DCN: variants seen among roughly 807,000 people sequenced by gnomAD.
DCN encodes decorin.
Under a neutral mutation model 36.5 loss-of-function variants are expected in DCN, and 17 were observed. That is an observed-to-expected ratio of 0.47 (90% CI 0.32 to 0.70). The LOEUF is 0.70. Ranked by LOEUF, DCN falls within the 30% of genes least tolerant of loss-of-function variation. The probability of loss-of-function intolerance (pLI) is 0.04; values close to 1 mark genes in which losing one functional copy is unlikely to be tolerated. For synonymous variants in DCN, 163 were observed against 161.4 expected (o/e 1.01, Z -0.07); for missense variants, 389 against 430.1 (o/e 0.90, Z 0.84).
chr12:91,180,617 T>A (rs1158351592), intron 1 of DCN: 3 of 152,274 alleles, frequency 2.0e-5, no homozygotes, highest in East Asian at 3.9e-4. Flanking sequence ...ATCATAAAGA[T>A]TATTATTCAC....
intron 2 of DCN, chr12:91,172,704 G>C: frequency 1.5e-6 from 1 of 687,572 alleles, no homozygotes; most frequent in Non-Finnish European, 2.6e-6. Flanking sequence ...CTAGAGTCAA[G>C]AATATTGTAG....
At chr12:91,164,117 CA>C (rs1346093968) in intron 3 of DCN, among the ~76,000 whole-genome samples, 1 of 151,318 alleles carries the variant, frequency 6.6e-6, no homozygotes, top group Non-Finnish European at 1.5e-5. Flanking sequence ...ATCGCAAGAA[CA>C]AAAAACCAAA....
intron 3 of DCN, among the ~76,000 whole-genome samples, chr12:91,164,247 G>A (rs971926999): frequency 6.6e-6 from 1 of 151,748 alleles, no homozygotes; most frequent in East Asian, 1.9e-4. Flanking sequence ...GGATAGCATT[G>A]GGAGATATAC....
At chr12:91,149,564 T>C (rs1881271979) in intron 7 of DCN, among the ~76,000 whole-genome samples, 1 of 152,160 alleles carries the variant, frequency 6.6e-6, no homozygotes, top group Admixed American at 6.5e-5. Flanking sequence ...TTTCATCACC[T>C]TTGTTCAACA....
intron 1 of DCN, chr12:91,179,415 C>T (rs1450216656): frequency 6.6e-6 from 1 of 152,202 alleles, no homozygotes; most frequent in East Asian, 1.9e-4. Context: ...CTTCTGTGTC[C>T]CCTGGCTCAT....
intron 3 of DCN, among the ~76,000 whole-genome samples, chr12:91,161,173 TAGAA>T (rs1167479706): frequency 6.6e-6 from 1 of 152,082 alleles, no homozygotes; most frequent in Non-Finnish European, 1.5e-5. Flanking sequence ...TACTTTGAAG[TAGAA>T]AGAAAGAGAT....
intron 5 of DCN, among the ~76,000 whole-genome samples, chr12:91,154,299 C>T (rs1423925653): frequency 6.6e-6 from 1 of 152,112 alleles, no homozygotes; most frequent in African/African-American, 2.4e-5. Flanking sequence ...ATGTCTGTTA[C>T]GCACCGAACA....
At chr12:91,162,858 C>T (rs1432355774) in intron 3 of DCN, among the ~76,000 whole-genome samples, 1 of 152,154 alleles carries the variant, frequency 6.6e-6, no homozygotes, top group Admixed American at 6.5e-5. Flanking sequence ...TTCAAATGTG[C>T]CACTAGTGAC....
At chr12:91,153,634 G>A (rs1247749881) in intron 5 of DCN, among the ~76,000 whole-genome samples, 1 of 152,034 alleles carries the variant, frequency 6.6e-6, no homozygotes, top group African/African-American at 2.4e-5. Flanking sequence ...TTTCATTAAT[G>A]AGCATCATTA....
chr12:91,178,342 C>T lies in DCN; in HGVS notation c.211G>A (p.Gly71Ser). 6.2e-7 allele frequency: 1 copy of T among 1,613,148 alleles called. No homozygotes were observed. The highest frequency in any genetic ancestry group is 1.1e-5 in the South Asian group (1 of 91,048). The change falls in exon 2 of 8, where the codon GGT becomes AGT. Residue 71 changes from glycine (G) to serine (S), a missense_variant and splice_region_variant. Physicochemically the swap from Gly to Ser is moderately conservative, Grantham distance 56 (BLOSUM62 0). Transcript: ENST00000052754. ...HLRVVQCSDL[G>S]LDKVPKDLPP... Reference sequence around the variant, plus strand: ...TAAAGAGAAACTGCATCCCACTCACCCAAATCAGAACACTGGACCACTCGA... The same window carrying T: ...TAAAGAGAAACTGCATCCCACTCACTCAAATCAGAACACTGGACCACTCGA...
chr12:91,172,565 T>C, intron 2 of DCN: 1 of 451,626 alleles, frequency 2.2e-6, no homozygotes, highest in Non-Finnish European at 4.0e-6. Context: ...TCTATTCTCT[T>C]TCCAGTCAAA....
intron 3 of DCN, among the ~76,000 whole-genome samples, chr12:91,161,769 C>T (rs183437233): frequency 2.6e-5 from 4 of 152,268 alleles, no homozygotes; most frequent in East Asian, 1.9e-4. Flanking sequence ...TTCTGCTGAT[C>T]GTCTAAAACT....
chr12:91,149,124 A>G (rs972943383), intron 7 of DCN, among the ~76,000 whole-genome samples: 2 of 151,604 alleles, frequency 1.3e-5, no homozygotes, highest in African/African-American at 2.4e-5. Context: ...GACCAAAGCC[A>G]GACAAAATTC....
Position 91,145,935 on chromosome 12 carries a change from T to A in DCN, c.*123A>T. The stretch of plus-strand genomic sequence containing the variant: ...ACTGGAAATTTGGCTTTATGCATAA[T>A]AAGTCATGTGGGTAAAACATCCACA... On this transcript the variant is annotated 3_prime_UTR_variant, in exon 8 of 8. Transcript: ENST00000052754. The A allele has an allele frequency of 1.2e-6, 1 of 858,164 alleles. No individual in the cohort carries two copies. Among genetic ancestry groups the A allele is most frequent in the South Asian group, 1.5e-5 (1 of 65,924 alleles). 53.2% of individuals were successfully genotyped at this position (858,164 alleles called of 1,614,324 possible).
At chr12:91,146,573 A>G (rs1592675972) in intron 7 of DCN, among the ~76,000 whole-genome samples, 1 of 151,856 alleles carries the variant, frequency 6.6e-6, no homozygotes, top group Non-Finnish European at 1.5e-5. Flanking sequence ...AGGCTGGTCT[A>G]GAACTTCTGA....
Position 91,152,683 on chromosome 12 carries a change from G to C in DCN, c.746+413C>G, listed in dbSNP as rs1006984130. On this transcript the variant is annotated intron_variant, in intron 6 of 7. Transcript: ENST00000052754. ...CTCATAATTATTAAAATAGTAATTT[G>C]TGTGATGCTCAATATTTCTCTGTCT... Among the ~76,000 whole-genome samples the C allele has an allele frequency of 2.0e-5, 3 of 152,218 alleles. No individual in the cohort carries two copies. The Middle Eastern group carries it at 0.01, about 518-fold the overall frequency.
At chr12:91,151,127 A>C (rs1238171291) in intron 7 of DCN, 1 of 161,912 alleles carries the variant, frequency 6.2e-6, no homozygotes, top group East Asian at 1.8e-4. Context: ...ATGGGTCAGT[A>C]GGGCCAGCAA....
Position 91,146,174 on chromosome 12 carries a change from C to A in DCN, c.964G>T (p.Ala322Ser), listed in dbSNP as rs760834786. Residue 322 changes from alanine (A) to serine (S), a missense_variant, in exon 8 of 8, where the codon GCT becomes TCT. Physicochemically the swap from Ala to Ser is moderately conservative, Grantham distance 99. Transcript: ENST00000052754. ...FCPPGHNTKK[A>S]SYSGVSLFSN... ...AAAAGACTCACACCCGAATAAGAAGCCTTTTTGGTGTTGTGTCCAGGTGGG... is the reference window on the plus strand; with the variant it reads ...AAAAGACTCACACCCGAATAAGAAGACTTTTTGGTGTTGTGTCCAGGTGGG... The A allele has an allele frequency of 1.9e-6, 3 of 1,613,452 alleles. No homozygotes were observed. Among genetic ancestry groups the A allele is most frequent in the South Asian group, 1.1e-5 (1 of 91,032 alleles).
chr12:91,163,073 A>G (rs558278954), intron 3 of DCN, among the ~76,000 whole-genome samples: 3 of 152,352 alleles, frequency 2.0e-5, no homozygotes, highest in African/African-American at 7.2e-5. Flanking sequence ...TATTTTGGAC[A>G]TTGAAGTCTG....
Sources: allele counts gnomAD v4.1 joint callset (sites outside exome capture counted in the v4.1 genomes callset), GRCh38; gene constraint gnomAD v4.1.1; transcripts MANE v1.5; gene names NCBI Gene and HGNC (gene_info 2026-07-23, HGNC 2026-07-21).